Variants in TNFRSF10A observed in about 807,000 individuals in gnomAD.
TNFRSF10A encodes the protein tumor necrosis factor receptor superfamily member 10A.
TNFRSF10A carries 44 observed loss-of-function variants against 42.8 expected under a neutral mutation model. The ratio of observed to expected loss-of-function variants is 1.03; its 90% CI spans 0.81 to 1.32. The LOEUF (loss-of-function observed/expected upper bound fraction) is 1.32. TNFRSF10A is among the 40% of genes most tolerant of loss of function. The pLI is 0.00. For missense variants in TNFRSF10A, 680 were observed against 602.0 expected (o/e 1.13, Z -1.36); for synonymous variants, 259 against 234.2 (o/e 1.11, Z -0.97).
At chr8:23,200,852 C>T (rs2128847828) in intron 4 of TNFRSF10A, 92 bp from the exon 5 acceptor site, 1 of 1,199,666 alleles carries the variant, frequency 8.3e-7, no homozygotes, top group East Asian at 2.3e-5. Flanking sequence ...CCCAATGTCC[C>T]TGAGAAGGCG....
chr8:23,199,190 C>T, intron 8 of TNFRSF10A, 76 bp downstream of exon 8: 1 of 1,547,374 alleles, frequency 6.5e-7, no homozygotes, highest in Admixed American at 1.7e-5. Context: ...CTCCACTTCC[C>T]CTTTGACCAG....
chr8:23,214,498 C>G (rs1431945764), intron 1 of TNFRSF10A, among the ~76,000 whole-genome samples: 1 of 145,680 alleles, frequency 6.9e-6, no homozygotes, highest in Non-Finnish European at 1.5e-5. Flanking sequence ...AAAAAAAAAA[C>G]AGCAAAAAAG....
intron 3 of TNFRSF10A, 38 bp downstream of exon 3, chr8:23,202,610 C>T (rs769471262): frequency 9.6e-6 from 15 of 1,554,998 alleles, no homozygotes; most frequent in Middle Eastern, 1.7e-4. Context: ...CACTGCCCCT[C>T]ACTCCACCTC....
rs367976184 is a variant in TNFRSF10A at position 23,217,686 on chromosome 8, C to T, written c.307-5474G>A. Among the ~76,000 whole-genome samples, 267 of 152,250 alleles carry T rather than the reference C, an allele frequency of 1.8e-3. 1 individual carries two copies. Among genetic ancestry groups the T allele is most frequent in the African/African-American group, 6.2e-3 (256 of 41,542 alleles). ...AAACATGTCTATGAAAGGCTGAGGA[C>T]GTCACATCTGCATTGGTGCGGGCTT... On this transcript the variant is annotated intron_variant, in intron 1 of 9. Coordinates refer to ENST00000221132, the MANE Select transcript of TNFRSF10A (RefSeq NM_003844.4).
chr8:23,215,675 A>G (rs1241498955), intron 1 of TNFRSF10A, among the ~76,000 whole-genome samples: 1 of 152,190 alleles, frequency 6.6e-6, no homozygotes, highest in African/African-American at 2.4e-5. Context: ...CAAGTTGTCA[A>G]ATTGATTGGC....
intron 9 of TNFRSF10A, among the ~76,000 whole-genome samples, chr8:23,193,704 G>A (rs1023085129): frequency 5.9e-5 from 9 of 152,184 alleles, no homozygotes; most frequent in African/African-American, 1.7e-4. Flanking sequence ...ATGGAGAGAG[G>A]AAGCACCCTG....
In TNFRSF10A at chr8:23,190,968, A is replaced by G. The variant is rs969708353; in HGVS notation, c.*726T>C. On this transcript the variant is annotated 3_prime_UTR_variant, in exon 10 of 10. Coordinates refer to ENST00000221132, the MANE Select transcript of TNFRSF10A (RefSeq NM_003844.4). The stretch of plus-strand genomic sequence containing the variant: ...ATGTCCACAGGCAGAAGAGTGTCCC[A>G]GCTCCAGGAGATCAGATGGATTTGC... 4 of 152,044 alleles carry G rather than the reference A, an allele frequency of 2.6e-5. No individual in the cohort carries two copies. Among genetic ancestry groups the G allele is most frequent in the African/African-American group, 4.8e-5 (2 of 41,390 alleles). 9.4% of individuals were successfully genotyped at this position (152,044 alleles called of 1,614,324 possible).
At chr8:23,221,867 C>T (rs901157253) in intron 1 of TNFRSF10A, among the ~76,000 whole-genome samples, 4 of 151,094 alleles carry the variant, frequency 2.6e-5, no homozygotes, top group African/African-American at 4.9e-5. Flanking sequence ...GACACGGGCA[C>T]GCTTGTGTAT....
At chr8:23,214,083 C>G (rs1801139395) in intron 1 of TNFRSF10A, among the ~76,000 whole-genome samples, 1 of 152,072 alleles carries the variant, frequency 6.6e-6, no homozygotes, top group Admixed American at 6.5e-5. Context: ...ATCTGCCCAC[C>G]TTGGCCTCCC....
chr8:23,224,843 G>GGC lies in TNFRSF10A; in HGVS notation c.217_218dup (p.Gly75GlnfsTer169). 24 of 1,566,110 alleles carry GGC rather than the reference G, an allele frequency of 1.5e-5. No homozygotes were observed. Among genetic ancestry groups the GGC allele is most frequent in the Non-Finnish European group, 2.0e-5 (23 of 1,155,622 alleles). On this transcript the variant is annotated frameshift_variant, in exon 1 of 10. Coordinates refer to ENST00000221132, the MANE Select transcript of TNFRSF10A (RefSeq NM_003844.4). LOFTEE classifies it high-confidence loss of function. ...CTTCCCGCGCCGGCCTGGGTCCTGG[G>GGC]GCGCGCCCTGCCCGGGCCCGGGCAC...
At chr8:23,206,769 T>G (rs929525493) in intron 2 of TNFRSF10A, 2 of 153,970 alleles carry the variant, frequency 1.3e-5, no homozygotes, top group African/African-American at 4.8e-5. Flanking sequence ...AAAAATTAGG[T>G]ACCTTGGATG....
At chr8:23,197,244 G>A (rs755255549) in intron 8 of TNFRSF10A, 40 bp from the exon 9 acceptor site, 1 of 1,612,852 alleles carries the variant, frequency 6.2e-7, no homozygotes, top group Admixed American at 1.7e-5. Context: ...CTGAGTCAGG[G>A]GTCCTGCAGT....
At chr8:23,205,711 C>CTTTTTTTTT (rs35059862) in intron 2 of TNFRSF10A, among the ~76,000 whole-genome samples, 2 of 130,856 alleles carry the variant, frequency 1.5e-5, no homozygotes, top group Admixed American at 8.2e-5. Flanking sequence ...GTCTGTGTTT[C>CTTTTTTTTT]TTTTTTTTTT....
intron 1 of TNFRSF10A, 119 bp from the exon 2 acceptor site, chr8:23,212,331 C>G: frequency 1.2e-6 from 1 of 852,702 alleles, no homozygotes; most frequent in Non-Finnish European, 1.9e-6. Context: ...ATCTTTCTCC[C>G]AGTTCTAAAA....
chr8:23,194,091 A>T lies in TNFRSF10A; in HGVS notation c.1088-2078T>A, dbSNP rs191112843. Reference sequence around the variant, plus strand: ...GTTCACAACCTTCACTGAATTATCTATTGGAGCTAACAAATTTCAGCCATG... The same window carrying T: ...GTTCACAACCTTCACTGAATTATCTTTTGGAGCTAACAAATTTCAGCCATG... On this transcript the variant is annotated intron_variant, in intron 9 of 9. Coordinates refer to ENST00000221132, the MANE Select transcript of TNFRSF10A (RefSeq NM_003844.4). Among the ~76,000 whole-genome samples, 3 of 152,168 alleles carry T rather than the reference A, an allele frequency of 2.0e-5. No homozygotes were observed. The South Asian group carries it at 6.2e-4, about 32-fold the overall frequency.
chr8:23,196,705 G>A (rs944793950), intron 9 of TNFRSF10A, among the ~76,000 whole-genome samples: 3 of 152,270 alleles, frequency 2.0e-5, no homozygotes, highest in Non-Finnish European at 4.4e-5. Flanking sequence ...ACAAAATAAT[G>A]AGTGGAATAT....
intron 3 of TNFRSF10A, 82 bp from the exon 4 acceptor site, chr8:23,202,001 C>A (rs1585281818): frequency 1.6e-6 from 2 of 1,273,558 alleles, no homozygotes; most frequent in Non-Finnish European, 2.2e-6. Context: ...ACTCCCTCCC[C>A]CTCAGCTCAG....
chr8:23,202,860 C>T (rs569371605), intron 2 of TNFRSF10A, 99 bp from the exon 3 acceptor site: 1 of 766,072 alleles, frequency 1.3e-6, no homozygotes, highest in African/African-American at 1.7e-5. Context: ...TCAGTAGACC[C>T]CAGACAGAGA....
chr8:23,192,115 A>G, intron 9 of TNFRSF10A, 102 bp from the exon 10 acceptor site: 1 of 1,498,850 alleles, frequency 6.7e-7, no homozygotes, highest in Non-Finnish European at 8.9e-7. Context: ...GAGAACCTGG[A>G]GAGCCCCCTG....
Sources: gnomAD v4.1 joint callset for allele counts (sites outside exome capture counted in the v4.1 genomes callset) on GRCh38, gnomAD v4.1.1 for gene constraint, MANE v1.5 for transcripts, NCBI Gene and HGNC (gene_info 2026-07-23, HGNC 2026-07-21) for gene names.